The following ATXN3 variants were observed in gnomAD, a reference collection of about 807,000 sequenced individuals.
The protein encoded by ATXN3 is ataxin-3.
In ATXN3, 28 loss-of-function variants were observed where a neutral mutation model predicts 58.2. The observed-to-expected ratio is 0.48, with a 90% CI of 0.36 to 0.66. The LOEUF is 0.66. ATXN3 is among the 30% of genes least tolerant of loss of function. ATXN3 has a pLI of 0.00. For synonymous variants in ATXN3, 113 were observed against 138.5 expected (o/e 0.82, Z 1.29); for missense variants, 321 against 422.1 (o/e 0.76, Z 2.10).
intron 1 of ATXN3, among the ~76,000 whole-genome samples, chr14:92,104,157 T>G (rs2067558756): frequency 1.3e-5 from 2 of 152,250 alleles, no homozygotes; most frequent in South Asian, 4.1e-4. Context: ...TTTCTTTTTT[T>G]TGAGACGGAG....
intron 1 of ATXN3, among the ~76,000 whole-genome samples, chr14:92,105,247 C>A (rs2067990814): frequency 6.6e-6 from 1 of 150,804 alleles, no homozygotes. Context: ...CACAGCGAGA[C>A]CCCGTCTCTC....
intron 8 of ATXN3, among the ~76,000 whole-genome samples, chr14:92,081,304 T>C (rs1440425907): frequency 1.3e-5 from 2 of 151,830 alleles, no homozygotes; most frequent in Non-Finnish European, 2.9e-5. Context: ...AAACCCTATC[T>C]CTACTAAAAG....
At chr14:92,101,177 T>C (rs1412784471) in intron 1 of ATXN3, among the ~76,000 whole-genome samples, 4 of 152,132 alleles carry the variant, frequency 2.6e-5, no homozygotes, top group African/African-American at 9.7e-5. Context: ...AATTTAAAAA[T>C]CACTTAAGGC....
At chr14:92,047,248 T>C (rs2057431823) in intron 2 of ATXN3, among the ~76,000 whole-genome samples, 2 of 152,174 alleles carry the variant, frequency 1.3e-5, no homozygotes, top group African/African-American at 4.8e-5. Context: ...GACAAACAAG[T>C]GTATGGGTTG....
downstream of ATXN3, chr14:92,058,542 CA>C (rs1268123050): frequency 6.6e-6 from 1 of 152,124 alleles, no homozygotes; most frequent in Admixed American, 6.5e-5. Context: ...AACACAAATT[CA>C]AAAGGAAATA....
At chr14:92,065,362 TTTGG>T (rs753515268) in intron 10 of ATXN3, among the ~76,000 whole-genome samples, 4 of 152,208 alleles carry the variant, frequency 2.6e-5, no homozygotes, top group Non-Finnish European at 5.9e-5. Context: ...TGTAGGACAT[TTTGG>T]TTGTTTCCAG....
At chr14:92,086,271 A>T (rs565951567) in intron 6 of ATXN3, among the ~76,000 whole-genome samples, 5 of 148,866 alleles carry the variant, frequency 3.4e-5, no homozygotes, top group Admixed American at 3.3e-4. Context: ...AAAAAAAAAA[A>T]TTTAGCCGGG....
At chr14:92,100,527 C>G (rs932305354) in intron 1 of ATXN3, among the ~76,000 whole-genome samples, 2 of 151,906 alleles carry the variant, frequency 1.3e-5, no homozygotes, top group Middle Eastern at 3.4e-3. Flanking sequence ...TTAACTACAA[C>G]AGTAGTTAAT....
At chr14:92,051,267 T>G (rs1388274190), upstream of ATXN3, among the ~76,000 whole-genome samples, 2 of 152,262 alleles carry the variant, frequency 1.3e-5, no homozygotes, top group African/African-American at 4.8e-5. Context: ...TTGATTTTTC[T>G]ACCTTTTGTT....
chr14:92,090,840 A>T (rs2063618915), intron 5 of ATXN3, among the ~76,000 whole-genome samples: 1 of 152,234 alleles, frequency 6.6e-6, no homozygotes, highest in Admixed American at 6.5e-5. Flanking sequence ...AATTTTTAAA[A>T]ACACATAAAT....
Position 92,082,790 on chromosome 14 carries a change from T to C in ATXN3, c.609-324A>G, listed in dbSNP as rs1001774549. 5.3e-5 allele frequency among the ~76,000 whole-genome samples: 8 copies of C among 151,804 alleles called. No homozygotes were observed. In the South Asian group the frequency reaches 1.2e-3, roughly 24 times the overall value. The stretch of plus-strand genomic sequence containing the variant: ...TCTGCCTCCCAAGTAGCTGGGACTA[T>C]AGGCATACACCACCACATCTGGCTA... On this transcript the variant is annotated intron_variant, in intron 7 of 10. Coordinates refer to ENST00000644486, the MANE Select transcript of ATXN3 (RefSeq NM_004993.6).
At chr14:92,079,873 G>T (rs2061136474) in intron 9 of ATXN3, among the ~76,000 whole-genome samples, 1 of 152,110 alleles carries the variant, frequency 6.6e-6, no homozygotes, top group Non-Finnish European at 1.5e-5. Flanking sequence ...AAGTAGCTGG[G>T]ATTACAGGCA....
chr14:92,053,689 AG>A (rs774318870), downstream of ATXN3, among the ~76,000 whole-genome samples: 5 of 151,892 alleles, frequency 3.3e-5, no homozygotes, highest in Non-Finnish European at 7.4e-5. Flanking sequence ...TGTAGAGATG[AG>A]GTCTCCCTGT....
chr14:92,095,495 G>A (rs916053396), intron 3 of ATXN3, among the ~76,000 whole-genome samples: 28 of 270 alleles, frequency 0.1, no homozygotes, highest in Non-Finnish European at 0.28. Context: ...GCCCACCTCG[G>A]CCTCCCCAAA....
chr14:92,070,601 T>A (rs1013451883), intron 10 of ATXN3: 1 of 581,664 alleles, frequency 1.7e-6, no homozygotes, highest in African/African-American at 1.9e-5. Flanking sequence ...ATATCCATGA[T>A]GTCTAAGGAA....
At chr14:92,103,229 T>C (rs1305428430) in intron 1 of ATXN3, among the ~76,000 whole-genome samples, 1 of 152,036 alleles carries the variant, frequency 6.6e-6, no homozygotes, top group African/African-American at 2.4e-5. Flanking sequence ...CTCTAGCCCA[T>C]GGGCCAAATT....
At chr14:92,106,193 AG>A (rs924094569) in intron 1 of ATXN3, among the ~76,000 whole-genome samples, 1 of 152,010 alleles carries the variant, frequency 6.6e-6, no homozygotes, top group African/African-American at 2.4e-5. Flanking sequence ...AGGATTGGGG[AG>A]GGGTGAAGGA....
intron 1 of ATXN3, among the ~76,000 whole-genome samples, chr14:92,103,110 T>TA (rs11388890): frequency 0.16 from 20,797 of 131,442 alleles, 1,753 homozygotes; most frequent in East Asian, 0.38. Flanking sequence ...GCAAGAGGAT[T>TA]AAAAAAAAAA....
chr14:92,084,558 A>C (rs1238884540), intron 6 of ATXN3, among the ~76,000 whole-genome samples: 1 of 150,012 alleles, frequency 6.7e-6, no homozygotes, highest in Non-Finnish European at 1.5e-5. Flanking sequence ...AACTGATTTA[A>C]GTTTCTCTAT....
Sources: gnomAD v4.1 joint callset for allele counts (sites outside exome capture counted in the v4.1 genomes callset) on GRCh38, gnomAD v4.1.1 for gene constraint, MANE v1.5 for transcripts, NCBI Gene and HGNC (gene_info 2026-07-23, HGNC 2026-07-21) for gene names.